Variants in DDX10 observed in about 807,000 individuals in gnomAD.
DDX10 encodes the protein DEAD-box helicase 10, also known as probable ATP-dependent RNA helicase DDX10.
In DDX10, 74 loss-of-function variants were observed where a neutral mutation model predicts 104.3. That is an observed-to-expected ratio of 0.71 (90% CI 0.59 to 0.86). DDX10 has a LOEUF of 0.86. DDX10 is among the 40% of genes least tolerant of loss of function. The pLI, the probability that DDX10 is intolerant of heterozygous loss-of-function variation, is 0.00. For synonymous variants in DDX10, 351 were observed against 353.4 expected, an observed-to-expected ratio of 0.99 and a Z score of 0.08; for missense variants, 952 against 1,040.0, an observed-to-expected ratio of 0.92 and a Z score of 1.16.
chr11:108,671,486 C>T (rs1156275174), intron 1 of DDX10, among the ~76,000 whole-genome samples: 3 of 152,166 alleles, frequency 2.0e-5, no homozygotes, highest in Non-Finnish European at 4.4e-5. Flanking sequence ...TTGTAGGAAC[C>T]GTAGCCATCT....
At chr11:108,723,490 C>T (rs552770056) in intron 13 of DDX10, 28 bp downstream of exon 13, 1 of 1,585,896 alleles carries the variant, frequency 6.3e-7, no homozygotes, top group East Asian at 2.2e-5. Context: ...GGAGGGTCTT[C>T]TATTACATTG....
intron 13 of DDX10, among the ~76,000 whole-genome samples, chr11:108,782,086 A>G (rs1228268528): frequency 6.6e-6 from 1 of 152,216 alleles, no homozygotes; most frequent in Non-Finnish European, 1.5e-5. Flanking sequence ...CCTAGGGCAC[A>G]GATGTAACGT....
chr11:108,803,244 T>C (rs1365559081), intron 13 of DDX10, among the ~76,000 whole-genome samples: 1 of 149,698 alleles, frequency 6.7e-6, no homozygotes, highest in Admixed American at 6.8e-5. Context: ...AGGTGAATAA[T>C]ATTACCTAGT....
intron 13 of DDX10, among the ~76,000 whole-genome samples, chr11:108,765,118 C>G (rs547816180): frequency 1.1e-4 from 16 of 152,120 alleles, no homozygotes; most frequent in Non-Finnish European, 1.6e-4. Context: ...GAAAGAGAGG[C>G]AGAGTAATCT....
At chr11:108,885,157 CTAA>C (rs1863279491) in intron 16 of DDX10, among the ~76,000 whole-genome samples, 1 of 152,082 alleles carries the variant, frequency 6.6e-6, no homozygotes, top group Admixed American at 6.6e-5. Flanking sequence ...GTTAATGTGA[CTAA>C]TGACAGTAAG....
At chr11:108,692,123 C>A in intron 8 of DDX10, 85 bp downstream of exon 8, 1 of 1,238,344 alleles carries the variant, frequency 8.1e-7, no homozygotes, top group Non-Finnish European at 1.1e-6. Context: ...ATCTGATAGA[C>A]TCAAACACTT....
At chr11:108,668,270 G>GTTTTT (rs2094212554) in intron 1 of DDX10, among the ~76,000 whole-genome samples, 2 of 152,212 alleles carry the variant, frequency 1.3e-5, no homozygotes, top group Non-Finnish European at 2.9e-5. Context: ...CAGCTAAGAA[G>GTTTTT]TGAAAAAGGA....
intron 3 of DDX10, 58 bp from the exon 4 acceptor site, chr11:108,677,027 C>T: frequency 6.6e-7 from 1 of 1,522,572 alleles, no homozygotes; most frequent in Non-Finnish European, 8.9e-7. Context: ...GGTTGAGATG[C>T]AGGTCAAAAA....
At chr11:108,743,877 A>G (rs1448537944) in intron 13 of DDX10, among the ~76,000 whole-genome samples, 1 of 152,152 alleles carries the variant, frequency 6.6e-6, no homozygotes, top group Non-Finnish European at 1.5e-5. Context: ...TGTCCCCATA[A>G]TTGAGAATCT....
At chr11:108,821,119 G>A (rs1242847636) in intron 13 of DDX10, among the ~76,000 whole-genome samples, 1 of 152,170 alleles carries the variant, frequency 6.6e-6, no homozygotes, top group Non-Finnish European at 1.5e-5. Context: ...GAGGGATGAA[G>A]TAAAAGAAGA....
At chr11:108,841,743 G>A (rs1862641701) in intron 15 of DDX10, among the ~76,000 whole-genome samples, 1 of 152,074 alleles carries the variant, frequency 6.6e-6, no homozygotes, top group Non-Finnish European at 1.5e-5. Flanking sequence ...TATTATTACA[G>A]TTTTTATTTT....
At chr11:108,797,929 G>T (rs886637824) in intron 13 of DDX10, among the ~76,000 whole-genome samples, 1 of 152,154 alleles carries the variant, frequency 6.6e-6, no homozygotes, top group African/African-American at 2.4e-5. Context: ...TGATCCCAAG[G>T]GAGCAGAGTG....
chr11:108,907,934 A>T (rs1033479043), intron 16 of DDX10, among the ~76,000 whole-genome samples: 1 of 152,274 alleles, frequency 6.6e-6, no homozygotes, highest in South Asian at 2.1e-4. Flanking sequence ...TTAAAAAGTG[A>T]TGGGGCCAGG....
In DDX10 at chr11:108,922,721, A is replaced by C. The variant is rs559888598; in HGVS notation, c.2450+4703A>C. 2.0e-3 allele frequency among the ~76,000 whole-genome samples: 306 copies of C among 152,368 alleles called. 2 individuals are homozygous for C. The highest frequency in any genetic ancestry group is 3.4e-3 in the Middle Eastern group (1 of 294). On this transcript the variant is annotated intron_variant, in intron 17 of 17. Transcript: ENST00000322536. ...AGATTTCAAAAGGGTTCTGATGTGG[A>C]TTCAACCCAGTTTAGTTAGCATGAC...
intron 10 of DDX10, among the ~76,000 whole-genome samples, chr11:108,708,698 G>A (rs371570875): frequency 6.6e-6 from 1 of 151,912 alleles, no homozygotes; most frequent in East Asian, 1.9e-4. Flanking sequence ...CTCCCAAGAA[G>A]CTAGAATTAC....
chr11:108,865,871 A>ATACCATG (rs1229982653), intron 16 of DDX10, among the ~76,000 whole-genome samples: 1 of 152,186 alleles, frequency 6.6e-6, no homozygotes, highest in African/African-American at 2.4e-5. Flanking sequence ...AATATAATTA[A>ATACCATG]TACCATGATA....
chr11:108,767,346 C>G (rs2094357555), intron 13 of DDX10: 1 of 152,148 alleles, frequency 6.6e-6, no homozygotes. Context: ...ACAATAAAAC[C>G]CTGTCTCCTT....
intron 13 of DDX10, among the ~76,000 whole-genome samples, chr11:108,770,895 T>A (rs2094362298): frequency 6.6e-6 from 1 of 152,174 alleles, no homozygotes; most frequent in Admixed American, 6.5e-5. Flanking sequence ...ATGGTAGCTC[T>A]GTTTTTAGTT....
chr11:108,773,840 A>G (rs1445300945), intron 13 of DDX10, among the ~76,000 whole-genome samples: 1 of 152,180 alleles, frequency 6.6e-6, no homozygotes, highest in Non-Finnish European at 1.5e-5. Flanking sequence ...TAGTGCTGAG[A>G]AGGGAGACCC....
Sources: allele counts gnomAD v4.1 joint callset (sites outside exome capture counted in the v4.1 genomes callset), GRCh38; gene constraint gnomAD v4.1.1; transcripts MANE v1.5; gene names NCBI Gene and HGNC (gene_info 2026-07-23, HGNC 2026-07-21).